The following SLAMF9 variants were observed in gnomAD, a reference collection of about 807,000 sequenced individuals.
The protein encoded by SLAMF9 is SLAM family member 9, also known as CD2 family member 10.
Under a neutral mutation model 30.4 loss-of-function variants are expected in SLAMF9, and 25 were observed. The ratio of observed to expected loss-of-function variants is 0.82; its 90% confidence interval spans 0.60 to 1.15. The LOEUF is 1.15. Ranked by LOEUF, SLAMF9 falls within the 50% of genes most tolerant of loss-of-function variation. The pLI, the probability that SLAMF9 is intolerant of heterozygous loss-of-function variation, is 0.00. For missense variants in SLAMF9, 344 were observed against 346.1 expected, an observed-to-expected ratio of 0.99 and a Z score of 0.05; for synonymous variants, 129 against 127.2, an observed-to-expected ratio of 1.01 and a Z score of -0.09.
chr1:159,957,621 T>TA (rs879766357), upstream of SLAMF9, among the ~76,000 whole-genome samples: 604 of 150,402 alleles, frequency 4.0e-3, 4 homozygotes, highest in Non-Finnish European at 6.8e-3. Context: ...AGACTCCATC[T>TA]AAAAAAAAAA....
the SLAMF9 span, among the ~76,000 whole-genome samples, chr1:159,974,307 C>G: frequency 6.6e-5 from 10 of 152,154 alleles, no homozygotes; most frequent in African/African-American, 2.4e-4. Context: ...CTATCCTTTC[C>G]CTTTTCTTCT....
chr1:159,975,284 G>C, the SLAMF9 span, among the ~76,000 whole-genome samples: 4 of 152,198 alleles, frequency 2.6e-5, no homozygotes, highest in African/African-American at 9.6e-5. Flanking sequence ...TGTGACAGAG[G>C]GGGCACAGAG....
chr1:159,952,327 C>T lies in SLAMF9; in HGVS notation c.599G>A (p.Cys200Tyr). 1 of 1,614,060 alleles carries T rather than the reference C, an allele frequency of 6.2e-7. No homozygotes were observed. The highest frequency in any genetic ancestry group is 8.5e-7 in the Non-Finnish European group (1 of 1,180,006). ...RPGDSALSYT[C>Y]RANNPISNVS... is the part of the protein sequence containing the mutation. The stretch of plus-strand genomic sequence containing the variant: ...GTTGCTGATGGGGTTGTTGGCTCTG[C>T]AGGTGTAGGAGAGGGCACTGTCCCC... Residue 200 changes from cysteine (C) to tyrosine (Y), a missense_variant, in exon 3 of 4, where the codon TGC (cysteine) becomes TAC (tyrosine). Coordinates refer to ENST00000368093, the MANE Select transcript of SLAMF9 (RefSeq NM_033438.4).
At chr1:159,962,521 G>GACCCC in the SLAMF9 span, among the ~76,000 whole-genome samples, 2 of 151,932 alleles carry the variant, frequency 1.3e-5, no homozygotes, top group Non-Finnish European at 2.9e-5. Context: ...GCCTCTCCCT[G>GACCCC]ACCCCACCCC....
At chr1:159,963,500 G>A in the SLAMF9 span, among the ~76,000 whole-genome samples, 1 of 152,132 alleles carries the variant, frequency 6.6e-6, no homozygotes, top group African/African-American at 2.4e-5. Flanking sequence ...ATGAAGAGAT[G>A]GAACATGCTG....
chr1:159,976,978 G>GAAAGAAAGAAAT, the SLAMF9 span: 9 of 43,232 alleles, frequency 2.1e-4, 1 homozygote, highest in African/African-American at 4.1e-4. Flanking sequence ...AAGAAGGAAA[G>GAAAGAAAGAAAT]AAGGAAAGAA....
At chr1:159,960,808 G>A in the SLAMF9 span, among the ~76,000 whole-genome samples, 2 of 152,204 alleles carry the variant, frequency 1.3e-5, no homozygotes, top group South Asian at 2.1e-4. Context: ...CAACTGGGAA[G>A]TATGCAGGTT....
chr1:159,972,746 G>T, the SLAMF9 span: 1 of 379,264 alleles, frequency 2.6e-6, no homozygotes, highest in Non-Finnish European at 4.5e-6. Context: ...TTGGAGGGGA[G>T]CCCCTCTGGG....
chr1:159,968,860 G>A, the SLAMF9 span, among the ~76,000 whole-genome samples: 1 of 152,142 alleles, frequency 6.6e-6, no homozygotes, highest in Non-Finnish European at 1.5e-5. Context: ...AAACCAGCCT[G>A]GCCAACATGG....
chr1:159,972,924 C>T, the SLAMF9 span: 3 of 1,015,220 alleles, frequency 3.0e-6, no homozygotes, highest in East Asian at 2.9e-5. Flanking sequence ...TCCCACAACT[C>T]CTCTCCTCCC....
At chr1:159,966,947 TTTTG>T in the SLAMF9 span, among the ~76,000 whole-genome samples, 2 of 152,076 alleles carry the variant, frequency 1.3e-5, no homozygotes, top group African/African-American at 4.8e-5. Context: ...TTTTGTTTGT[TTTTG>T]TTTTTGTTTT....
the SLAMF9 span, chr1:159,961,166 T>C: frequency 6.6e-6 from 1 of 152,210 alleles, no homozygotes; most frequent in Admixed American, 6.5e-5. Context: ...TTCTCTCTCT[T>C]CTTCCTGGAT....
the SLAMF9 span, among the ~76,000 whole-genome samples, chr1:159,960,148 A>G: frequency 1.4e-5 from 2 of 147,040 alleles, no homozygotes; most frequent in Non-Finnish European, 3.0e-5. Context: ...TATATCTCCT[A>G]ATGCTATCCC....
chr1:159,954,243 T>A (rs534384496), upstream of SLAMF9: 22 of 1,337,432 alleles, frequency 1.6e-5, no homozygotes, highest in Admixed American at 3.4e-4. Context: ...TGACTGATGG[T>A]CCTGAGAAAA....
At chr1:159,981,224 G>A in the SLAMF9 span, among the ~76,000 whole-genome samples, 1 of 152,166 alleles carries the variant, frequency 6.6e-6, no homozygotes, top group Non-Finnish European at 1.5e-5. Flanking sequence ...GGACACAGAT[G>A]CACATAGAGG....
the SLAMF9 span, chr1:159,974,170 G>A: frequency 1.3e-6 from 1 of 779,420 alleles, no homozygotes; most frequent in Non-Finnish European, 2.2e-6. Context: ...GAGGCCCTTG[G>A]ATGGTACCGG....
chr1:159,975,749 G>C, the SLAMF9 span, among the ~76,000 whole-genome samples: 1 of 152,222 alleles, frequency 6.6e-6, no homozygotes, highest in Non-Finnish European at 1.5e-5. Flanking sequence ...GCGTAGATCA[G>C]AGTGACACTA....
intron 1 of SLAMF9, 79 bp downstream of exon 1, chr1:159,954,013 T>C: frequency 6.4e-7 from 1 of 1,567,216 alleles, no homozygotes; most frequent in Non-Finnish European, 8.8e-7. Context: ...AGAAAGGGTC[T>C]TACTGGCCCA....
chr1:159,973,252 C>T, the SLAMF9 span: 11 of 880,582 alleles, frequency 1.2e-5, no homozygotes, highest in Non-Finnish European at 2.0e-5. Flanking sequence ...GGAGTGGGGG[C>T]GACACTCAGT....
Sources: gnomAD v4.1 joint callset for allele counts (sites outside exome capture counted in the v4.1 genomes callset) on GRCh38, gnomAD v4.1.1 for gene constraint, MANE v1.5 for transcripts, NCBI Gene and HGNC (gene_info 2026-07-23, HGNC 2026-07-21) for gene names.